Variants in ATP9B observed in about 807,000 individuals in gnomAD.
ATP9B encodes probable phospholipid-transporting ATPase IIB.
A neutral mutation model predicts 146.1 loss-of-function variants in ATP9B; 110 were observed. The ratio of observed to expected loss-of-function variants is 0.75; its 90% confidence interval spans 0.65 to 0.88. The LOEUF is 0.88. Among genes scored for constraint, ATP9B ranks in the 40% least tolerant of loss-of-function variants. ATP9B has a pLI of 0.00. For missense variants in ATP9B, 1,499 were observed against 1,496.4 expected, an observed-to-expected ratio of 1.00 and a Z score of -0.03; for synonymous variants, 604 against 569.7, an observed-to-expected ratio of 1.06 and a Z score of -0.86.
In ATP9B at chr18:79,257,762, G is replaced by A. The variant is rs542204215; in HGVS notation, c.1268+4221G>A. 3.9e-5 allele frequency among the ~76,000 whole-genome samples: 6 copies of A among 152,302 alleles called. No homozygotes were observed. The South Asian group carries it at 1.2e-3, about 32-fold the overall frequency. On this transcript the variant is annotated intron_variant, in intron 12 of 29. Transcript: ENST00000426216. ...GTCCAGCAAACACATCTTTTTCTAG[G>A]AATTCCTTTTTCTTCTTTGCTTTCA...
rs184676114 is a variant in ATP9B at position 79,315,119 on chromosome 18, G to A, written c.1773+7885G>A. Among the ~76,000 whole-genome samples the A allele has an allele frequency of 4.6e-5, 7 of 152,270 alleles. No individual in the cohort carries two copies. In the East Asian group the frequency reaches 9.6e-4, roughly 21 times the overall value. ...AGTATTTCAGAATGTAGCTGTCATC[G>A]CCTGACTCCAGTATTTATTTGCAAG... On this transcript the variant is annotated intron_variant, in intron 15 of 29. Transcript: ENST00000426216.
At chr18:79,279,461 A>G (rs974594041) in intron 13 of ATP9B, among the ~76,000 whole-genome samples, 2 of 152,204 alleles carry the variant, frequency 1.3e-5, no homozygotes, top group Non-Finnish European at 2.9e-5. Context: ...CAAAATATGA[A>G]CAACCGTACT....
chr18:79,199,912 TAAC>T (rs2095451511), intron 9 of ATP9B, among the ~76,000 whole-genome samples: 1 of 152,238 alleles, frequency 6.6e-6, no homozygotes, highest in Admixed American at 6.5e-5. Context: ...TGTCCCAGGA[TAAC>T]AATGTGTTTT....
chr18:79,175,777 CACAG>C (rs2095157030), intron 7 of ATP9B, among the ~76,000 whole-genome samples: 1 of 152,104 alleles, frequency 6.6e-6, no homozygotes. Flanking sequence ...CATGTGCACA[CACAG>C]ATACGCTTGT....
At chr18:79,083,329 T>C (rs2146543418) in intron 1 of ATP9B, among the ~76,000 whole-genome samples, 1 of 152,348 alleles carries the variant, frequency 6.6e-6, no homozygotes, top group East Asian at 1.9e-4. Context: ...CAGTGAATCT[T>C]AGCTTGCTGG....
At chr18:79,278,441 A>G (rs879499082) in intron 13 of ATP9B, among the ~76,000 whole-genome samples, 1 of 152,220 alleles carries the variant, frequency 6.6e-6, no homozygotes, top group Non-Finnish European at 1.5e-5. Context: ...ATTTTGCCCA[A>G]CTGTCAGGTA....
intron 10 of ATP9B, 99 bp from the exon 11 acceptor site, chr18:79,213,863 A>T: frequency 1.2e-6 from 1 of 835,658 alleles, no homozygotes; most frequent in Non-Finnish European, 1.8e-6. Context: ...AAAATCAAAT[A>T]GTGTGATAAT....
At chr18:79,350,648 C>T (rs887568808) in intron 25 of ATP9B, among the ~76,000 whole-genome samples, 1 of 152,238 alleles carries the variant, frequency 6.6e-6, no homozygotes, top group African/African-American at 2.4e-5. Context: ...CCGTGAATTC[C>T]AGTAGTGTTT....
Position 79,230,926 on chromosome 18 carries a change from A to G in ATP9B, c.1107+16888A>G, listed in dbSNP as rs542377291. 1.2e-3 allele frequency among the ~76,000 whole-genome samples: 179 copies of G among 152,330 alleles called. 1 individual carries two copies. The highest frequency in any genetic ancestry group is 4.2e-3 in the African/African-American group (173 of 41,580). On this transcript the variant is annotated intron_variant, in intron 11 of 29. Coordinates refer to ENST00000426216, the MANE Select transcript of ATP9B (RefSeq NM_198531.5). ...ACATAAAGCGAGTAAAGGACACCCT[A>G]TTCAACAAATGGTGGTGGGTTAATT... is the stretch of plus-strand genomic sequence containing the variant.
intron 1 of ATP9B, among the ~76,000 whole-genome samples, chr18:79,074,891 T>C (rs1429164063): frequency 6.6e-6 from 1 of 152,198 alleles, no homozygotes; most frequent in African/African-American, 2.4e-5. Context: ...AACATACACA[T>C]AGTTTATAAA....
In ATP9B at chr18:79,107,767, G is replaced by A. The variant is rs115910110; in HGVS notation, c.294-2588G>A. The stretch of plus-strand genomic sequence containing the variant: ...TGCCATGCCTGGGCTGAGGAAAGGC[G>A]GTGCATGAACTTGAGCAAGAGCTGG... On this transcript the variant is annotated intron_variant, in intron 2 of 29. Transcript: ENST00000426216. Among the ~76,000 whole-genome samples, 1,344 of 152,254 alleles carry A rather than the reference G, an allele frequency of 8.8e-3. 26 individuals carry two copies. The highest frequency in any genetic ancestry group is 0.031 in the African/African-American group (1,267 of 41,536).
intron 5 of ATP9B, among the ~76,000 whole-genome samples, chr18:79,128,643 A>G (rs960243477): frequency 6.6e-6 from 1 of 152,174 alleles, no homozygotes; most frequent in East Asian, 1.9e-4. Flanking sequence ...ATATAGATCT[A>G]TCTGATTTTT....
At chr18:79,355,396 C>A (rs1478630929) in intron 25 of ATP9B, among the ~76,000 whole-genome samples, 1 of 151,936 alleles carries the variant, frequency 6.6e-6, no homozygotes, top group African/African-American at 2.4e-5. Flanking sequence ...ATAGAACAGC[C>A]CAGCAGACAA....
At chr18:79,076,472 ATGCCACTTCTTTCTG>A (rs553873129) in intron 1 of ATP9B, among the ~76,000 whole-genome samples, 37 of 152,218 alleles carry the variant, frequency 2.4e-4, no homozygotes, top group Non-Finnish European at 4.3e-4. Context: ...GAAAAGTGTT[ATGCCACTTCTTTCTG>A]GTCTCCGTGC....
At position 79,082,389 on chromosome 18, in the gene ATP9B, C is replaced by T. The variant is rs141246451; in HGVS notation, c.119+12860C>T. ...GGAGGAGTTTGTTATTACCCACCTTCTGAAGTCTACTTTTGTCAATTTGTC... is the reference window on the plus strand; with the variant it reads ...GGAGGAGTTTGTTATTACCCACCTTTTGAAGTCTACTTTTGTCAATTTGTC... On this transcript the variant is annotated intron_variant, in intron 1 of 29. Coordinates refer to ENST00000426216, the MANE Select transcript of ATP9B (RefSeq NM_198531.5). Among the ~76,000 whole-genome samples, 175 of 152,326 alleles carry T rather than the reference C, an allele frequency of 1.1e-3. 1 individual carries two copies. The East Asian group carries it at 0.015, about 13-fold the overall frequency.
rs1256055022 is a variant in ATP9B at position 79,285,154 on chromosome 18, T to A, written c.1411+7958T>A. Among the ~76,000 whole-genome samples the A allele has an allele frequency of 2.0e-5, 3 of 151,362 alleles. No individual in the cohort carries two copies. The East Asian group carries it at 5.8e-4, about 29-fold the overall frequency. On this transcript the variant is annotated intron_variant, in intron 13 of 29. Transcript: ENST00000426216. ...TATACCCAGTAATGGGATGGCTGGGTCAAATGGTATTTCTAGTTCTAGATC... is the reference window on the plus strand; with the variant it reads ...TATACCCAGTAATGGGATGGCTGGGACAAATGGTATTTCTAGTTCTAGATC...
At chr18:79,106,987 CTT>C (rs1434172039) in intron 2 of ATP9B, among the ~76,000 whole-genome samples, 4 of 152,150 alleles carry the variant, frequency 2.6e-5, no homozygotes, top group Non-Finnish European at 4.4e-5. Flanking sequence ...TTATATGTAT[CTT>C]TTCAAATACT....
intron 9 of ATP9B, among the ~76,000 whole-genome samples, chr18:79,197,329 A>G (rs535473436): frequency 6.6e-6 from 1 of 152,178 alleles, no homozygotes; most frequent in African/African-American, 2.4e-5. Flanking sequence ...GTTTGGAAAT[A>G]GGAAAATTTA....
chr18:79,148,810 A>G (rs928144637), intron 6 of ATP9B, among the ~76,000 whole-genome samples: 11 of 152,216 alleles, frequency 7.2e-5, no homozygotes, highest in Non-Finnish European at 1.2e-4. Flanking sequence ...ATATACATAT[A>G]TGTTGAAAAC....
Sources: gnomAD v4.1 joint callset for allele counts (sites outside exome capture counted in the v4.1 genomes callset) on GRCh38, gnomAD v4.1.1 for gene constraint, MANE v1.5 for transcripts, NCBI Gene and HGNC (gene_info 2026-07-23, HGNC 2026-07-21) for gene names.